ZNF329: variants seen among roughly 807,000 people sequenced by gnomAD.
The protein encoded by ZNF329 is zinc finger protein 329.
A neutral mutation model predicts 26.6 loss-of-function variants in ZNF329; 15 were observed. The ratio of observed to expected loss-of-function variants is 0.56; its 90% CI spans 0.38 to 0.87. The LOEUF is 0.87. ZNF329 is among the 40% of genes least tolerant of loss of function. The pLI is 0.00. For missense variants in ZNF329, 651 were observed against 651.9 expected (o/e 1.00, Z 0.02); for synonymous variants, 239 against 233.5 (o/e 1.02, Z -0.21).
chr19:58,136,983 T>C, intron 3 of ZNF329: 1 of 196,284 alleles, frequency 5.1e-6, no homozygotes, highest in Non-Finnish European at 1.1e-5. Flanking sequence ...AAACTCAAAG[T>C]GATATGTACC....
At chr19:58,150,935 C>T (rs1255619027), upstream of ZNF329, 1 of 152,332 alleles carries the variant, frequency 6.6e-6, no homozygotes, top group Non-Finnish European at 1.5e-5. Flanking sequence ...CATTTACTTT[C>T]TCCTATGGTC....
chr19:58,127,905 G>T lies in ZNF329; in HGVS notation c.1599C>A (p.His533Gln). The T allele has an allele frequency of 6.2e-7, 1 of 1,604,226 alleles. No homozygotes were observed. The highest frequency in any genetic ancestry group is 8.5e-7 in the Non-Finnish European group (1 of 1,174,848). The change falls in exon 4 of 4, where the codon CAC becomes CAA. Residue 533 changes from histidine (H) to glutamine (Q), a missense_variant. Coordinates refer to ENST00000598312, the MANE Select transcript of ZNF329 (RefSeq NM_024620.4). ...ATGTTTCCATGGGTTGCTCTCCCAG[G>T]TGTGCTCTTTGATGTCGAACAAGGG... ...SSSLVRHQRAHLGEQPMET is the reference protein window; with the variant it reads ...SSSLVRHQRAQLGEQPMET
chr19:58,147,770 G>A (rs2075357833), intron 1 of ZNF329, among the ~76,000 whole-genome samples: 1 of 14,488 alleles, frequency 6.9e-5, no homozygotes, highest in Admixed American at 5.4e-4. Context: ...GAGGGAGGTG[G>A]GGGGGGTCAG....
In ZNF329 at chr19:58,128,248, C is replaced by T. The variant is rs757062063; in HGVS notation, c.1256G>A (p.Arg419Lys). ...IESAYLIRHQ[R>K]IHTGEKPYGC... ...ATAGGGCTTCTCGCCAGTATGAATC[C>T]TCTGATGCCTGATGAGGTACGCACT... The change falls in exon 4 of 4, where the codon AGG becomes AAG. Residue 419 changes from arginine (R) to lysine (K), a missense_variant. Physicochemically the swap from Arg to Lys is conservative, Grantham distance 26. Coordinates refer to ENST00000598312, the MANE Select transcript of ZNF329 (RefSeq NM_024620.4). 5 of 1,599,888 alleles carry T rather than the reference C, an allele frequency of 3.1e-6. No homozygotes were observed. The Admixed American group carries it at 8.6e-5, about 27-fold the overall frequency.
chr19:58,128,660 T>G lies in ZNF329; in HGVS notation c.844A>C (p.Thr282Pro). ...SALTQHQRIH[T>P]GEKPYECLEC... ...AGGCATTCATAAGGTTTCTCGCCTG[T>G]GTGAATTCTCTGGTGCTGTGTCAGA... is the stretch of plus-strand genomic sequence containing the variant. The change falls in exon 4 of 4, where the codon ACA (threonine) becomes CCA (proline). Residue 282 changes from threonine to proline, a missense_variant. Coordinates refer to ENST00000598312, the MANE Select transcript of ZNF329 (RefSeq NM_024620.4). 2 of 1,602,686 alleles carry G rather than the reference T, an allele frequency of 1.2e-6. No individual in the cohort carries two copies. The highest frequency in any genetic ancestry group is 1.7e-6 in the Non-Finnish European group (2 of 1,174,636).
intron 3 of ZNF329, among the ~76,000 whole-genome samples, chr19:58,130,389 G>A (rs2074910225): frequency 6.6e-6 from 1 of 151,866 alleles, no homozygotes; most frequent in Non-Finnish European, 1.5e-5. Context: ...ACTGGATCAT[G>A]TCGGCCAGGC....
At chr19:58,137,818 A>T (rs921031790) in intron 3 of ZNF329, among the ~76,000 whole-genome samples, 58 of 149,026 alleles carry the variant, frequency 3.9e-4, no homozygotes, top group African/African-American at 1.3e-3. Context: ...ACAAAAAAAA[A>T]AAAAAAAAAA....
intron 1 of ZNF329, among the ~76,000 whole-genome samples, chr19:58,146,000 GAAA>G (rs36035684): frequency 2.4e-5 from 3 of 123,226 alleles, no homozygotes; most frequent in Admixed American, 8.1e-5. Flanking sequence ...TCAATTTCAT[GAAA>G]AAAAAAAAAA....
chr19:58,154,856 T>G (rs2075517363), upstream of ZNF329: 1 of 152,536 alleles, frequency 6.6e-6, no homozygotes, highest in Non-Finnish European at 1.5e-5. Flanking sequence ...AGGCGGGATC[T>G]GGGGACGATC....
chr19:58,144,740 T>A (rs957766986), intron 1 of ZNF329, among the ~76,000 whole-genome samples: 1 of 149,684 alleles, frequency 6.7e-6, no homozygotes, highest in Non-Finnish European at 1.5e-5. Flanking sequence ...CTTGCTTTGA[T>A]GCTCAGGCTT....
chr19:58,147,805 G>A (rs1478984075), intron 1 of ZNF329, among the ~76,000 whole-genome samples: 13 of 148,654 alleles, frequency 8.7e-5, no homozygotes, highest in South Asian at 2.1e-4. Context: ...CAGCCGCCCC[G>A]TCCGGGAGGT....
chr19:58,129,446 C>T lies in ZNF329; in HGVS notation c.58G>A (p.Glu20Lys), dbSNP rs1568658772. 1.9e-6 allele frequency: 3 copies of T among 1,613,954 alleles called. No homozygotes were observed. Among genetic ancestry groups the T allele is most frequent in the Non-Finnish European group, 2.5e-6 (3 of 1,179,926 alleles). Residue 20 changes from glutamate (E) to lysine (K), a missense_variant, in exon 4 of 4, where the codon GAA (glutamate) becomes AAA (lysine). By Grantham distance (56) the Glu-to-Lys change is moderately conservative. Coordinates refer to ENST00000598312, the MANE Select transcript of ZNF329 (RefSeq NM_024620.4). Reference sequence around the variant, plus strand: ...ACTTCCCTTGTGAATCTTTCCACTTCTACATCACAGGGTACTTCTCTCTCA... The same window carrying T: ...ACTTCCCTTGTGAATCTTTCCACTTTTACATCACAGGGTACTTCTCTCTCA... ...FPEREVPCDV[E>K]VERFTREVPC...
intron 3 of ZNF329, among the ~76,000 whole-genome samples, chr19:58,135,974 T>C (rs2075055554): frequency 6.6e-6 from 1 of 152,118 alleles, no homozygotes; most frequent in Non-Finnish European, 1.5e-5. Context: ...GCTCATGCCT[T>C]GTAATCCCAG....
At chr19:58,148,178 A>G (rs1244130449) in intron 1 of ZNF329, among the ~76,000 whole-genome samples, 2 of 151,882 alleles carry the variant, frequency 1.3e-5, no homozygotes, top group Non-Finnish European at 2.9e-5. Flanking sequence ...TTTGTTAAAC[A>G]GATGCTTGAA....
rs1477936233 is a variant in ZNF329, at chr19:58,128,591, G to C, written c.913C>G (p.His305Asp). The C allele has an allele frequency of 6.2e-7, 1 of 1,612,790 alleles. No homozygotes were observed. Among genetic ancestry groups the C allele is most frequent in the Admixed American group, 1.7e-5 (1 of 59,674 alleles). The stretch of plus-strand genomic sequence containing the variant: ...TTTTCCCCTGTATGAGTTCTTTGGT[G>C]CAAAATTAAGGATGAATTTCGGTTG... ...TFNRNSSLIL[H>D]QRTHTGEKPY... The change falls in exon 4 of 4, where the codon CAC (histidine) becomes GAC (aspartate). Residue 305 changes from histidine (H) to aspartate (D), a missense_variant. By Grantham distance (81) the His-to-Asp change is moderately conservative. Coordinates refer to ENST00000598312, the MANE Select transcript of ZNF329 (RefSeq NM_024620.4).
chr19:58,127,990 T>C lies in ZNF329; in HGVS notation c.1514A>G (p.His505Arg), dbSNP rs1212703723. The C allele has an allele frequency of 5.0e-6, 8 of 1,614,018 alleles. No homozygotes were observed. The African/African-American group carries it at 8.0e-5, about 16-fold the overall frequency. The change falls in exon 4 of 4, where the codon CAT (histidine) becomes CGT (arginine). Residue 505 changes from histidine (H) to arginine (R), a missense_variant. By Grantham distance (29) the His-to-Arg change is conservative. Transcript: ENST00000598312. ...ACACCGGCTGGGACCCTCCCTGCTATGGAGTCTCTGATGTACTGCCAGGTG... is the reference window on the plus strand; with the variant it reads ...ACACCGGCTGGGACCCTCCCTGCTACGGAGTCTCTGATGTACTGCCAGGTG... ...NSHLAVHQRL[H>R]SREGPSRCPQ...
In ZNF329 at chr19:58,142,636, G is replaced by C. The variant is rs181012663; in HGVS notation, c.-88C>G. On this transcript the variant is annotated 5_prime_UTR_variant, in exon 3 of 4. Transcript: ENST00000598312. ...TGGTTGCTGGACATTAGCCATTTAT[G>C]CCCATCCACACGGCTCCAGCCATCT... 17 of 152,746 alleles carry C rather than the reference G, an allele frequency of 1.1e-4. 1 individual carries two copies. Among genetic ancestry groups the C allele is most frequent in the African/African-American group, 4.1e-4 (17 of 41,570 alleles). The allele number at this position is 152,746 out of a possible 1,614,324, so 9.5% of individuals were successfully genotyped here. A position where few individuals can be genotyped will look rare whatever the true frequency, so the allele number is the denominator to read the frequency against.
At chr19:58,148,125 G>A (rs1017724545) in intron 1 of ZNF329, among the ~76,000 whole-genome samples, 3 of 151,856 alleles carry the variant, frequency 2.0e-5, no homozygotes, top group Non-Finnish European at 2.9e-5. Context: ...CATGTGCTGT[G>A]TCCACTCAGG....
At chr19:58,146,081 A>C (rs924296083) in intron 1 of ZNF329, among the ~76,000 whole-genome samples, 1 of 152,120 alleles carries the variant, frequency 6.6e-6, no homozygotes, top group Non-Finnish European at 1.5e-5. Context: ...GTAACACAGG[A>C]TCCTGGATTG....
Sources: allele counts gnomAD v4.1 joint callset (sites outside exome capture counted in the v4.1 genomes callset), GRCh38; gene constraint gnomAD v4.1.1; transcripts MANE v1.5; gene names NCBI Gene and HGNC (gene_info 2026-07-23, HGNC 2026-07-21).